MUC13: variants seen among roughly 807,000 people sequenced by gnomAD.
MUC13 encodes mucin-13.
In MUC13, 32 loss-of-function variants were observed where a neutral mutation model predicts 48.3. The observed-to-expected ratio is 0.66, with a 90% CI of 0.50 to 0.89. The LOEUF (loss-of-function observed/expected upper bound fraction) is 0.89, where lower values mean the gene tolerates loss of function less well. MUC13 is among the 40% of genes least tolerant of loss of function. The pLI, the probability that MUC13 is intolerant of heterozygous loss-of-function variation, is 0.00. For synonymous variants in MUC13, 199 were observed against 224.9 expected, an observed-to-expected ratio of 0.88 and a Z score of 1.03; for missense variants, 571 against 622.8, an observed-to-expected ratio of 0.92 and a Z score of 0.88.
At chr3:124,934,587 C>A in intron 1 of MUC13, 74 bp downstream of exon 1, 2 of 1,011,710 alleles carry the variant, frequency 2.0e-6, no homozygotes, top group Non-Finnish European at 1.6e-6. Context: ...GAATTGGTAG[C>A]TATAGGCCTG....
rs533201695 is a variant in MUC13 at position 124,933,184 on chromosome 3, T to G, written c.52+1477A>C. 2.6e-5 allele frequency among the ~76,000 whole-genome samples: 4 copies of G among 152,292 alleles called. No homozygotes were observed. The East Asian group carries it at 7.7e-4, about 29-fold the overall frequency. On this transcript the variant is annotated intron_variant, in intron 1 of 11. Coordinates refer to ENST00000616727, the MANE Select transcript of MUC13 (RefSeq NM_033049.4). ...AGCTCTCAAAAAACTCTAATCCTGA[T>G]GCCATTCATTCCAGTTCTCTGAAAG...
intron 5 of MUC13, among the ~76,000 whole-genome samples, chr3:124,918,873 G>A (rs1213216276): frequency 6.6e-6 from 1 of 152,156 alleles, no homozygotes; most frequent in Non-Finnish European, 1.5e-5. Context: ...TTTGGGCCCA[G>A]CCTGTCTGTT....
At chr3:124,913,507 A>C in intron 7 of MUC13, 55 bp downstream of exon 7, 1 of 1,610,704 alleles carries the variant, frequency 6.2e-7, no homozygotes, top group Non-Finnish European at 8.5e-7. Context: ...TTTATGTTGC[A>C]AAAGAAGAGA....
intron 2 of MUC13, among the ~76,000 whole-genome samples, chr3:124,925,833 T>C (rs1422349460): frequency 6.6e-6 from 1 of 152,160 alleles, no homozygotes; most frequent in African/African-American, 2.4e-5. Flanking sequence ...CAGGCTGGTC[T>C]TGAACTCCTC....
chr3:124,917,100 C>T (rs1033228155), intron 5 of MUC13, among the ~76,000 whole-genome samples: 1 of 152,052 alleles, frequency 6.6e-6, no homozygotes, highest in African/African-American at 2.4e-5. Flanking sequence ...ATATGAAGTG[C>T]CTGCCATGAG....
At chr3:124,927,236 G>A (rs966208676) in intron 2 of MUC13, among the ~76,000 whole-genome samples, 1 of 152,028 alleles carries the variant, frequency 6.6e-6, no homozygotes, top group Admixed American at 6.5e-5. Context: ...CTAGGGAGAG[G>A]AAAGCTATAG....
rs144309866 is a variant in MUC13 at position 124,920,280 on chromosome 3, C to T, written c.754G>A (p.Val252Ile). 4.4e-6 allele frequency: 7 copies of T among 1,603,732 alleles called. No individual in the cohort carries two copies. The highest frequency in any genetic ancestry group is 6.0e-6 in the Non-Finnish European group (7 of 1,174,488). The change falls in exon 5 of 12, where the codon GTA (valine) becomes ATA (isoleucine). Residue 252 changes from valine (V) to isoleucine (I), a missense_variant. By Grantham distance (29) the Val-to-Ile change is conservative. Transcript: ENST00000616727. ...TGTCCATAAACAGATGTGCCAAATA[C>T]ATCTTTAAACTGTGGAGGAAAACAG... ...HSEITSLFKD[V>I]FGTSVYGQTV...
rs1451610920 is a variant in MUC13, at chr3:124,916,498, C to T, written c.801-18G>A. ...GAGATGTGCTAAAAATGAGATGAAT[C>T]TGTCACTTAATGAATTGAACTGAAG... On this transcript the variant is annotated intron_variant, in intron 5 of 11. Coordinates refer to ENST00000616727, the MANE Select transcript of MUC13 (RefSeq NM_033049.4). 6.3e-7 allele frequency: 1 copy of T among 1,599,196 alleles called. No individual in the cohort carries two copies. Among genetic ancestry groups the T allele is most frequent in the Admixed American group, 1.7e-5 (1 of 58,226 alleles).
Position 124,916,461 on chromosome 3 carries a change from A to T in MUC13, c.820T>A (p.Ser274Thr). 1 of 1,612,380 alleles carries T rather than the reference A, an allele frequency of 6.2e-7. No individual in the cohort carries two copies. Among genetic ancestry groups the T allele is most frequent in the Non-Finnish European group, 8.5e-7 (1 of 1,179,212 alleles). Residue 274 changes from serine to threonine, a missense_variant, in exon 6 of 12, where the codon TCT becomes ACT. Physicochemically the swap from Ser to Thr is moderately conservative, Grantham distance 58. Coordinates refer to ENST00000616727, the MANE Select transcript of MUC13 (RefSeq NM_033049.4). ...AACTTGTCATCAGCACGCATTTCAG[A>T]TCTTGGTGACAGAGATGTGCTAAAA... Reference protein sequence around the residue: ...LTVSTSLSPRSEMRADDKFVN... With the variant: ...LTVSTSLSPRTEMRADDKFVN...
chr3:124,920,362 C>A (rs1935573990), intron 4 of MUC13, 73 bp from the exon 5 acceptor site: 17 of 1,197,822 alleles, frequency 1.4e-5, no homozygotes, highest in Admixed American at 1.1e-4. Context: ...TCAAATGAGG[C>A]AGAAAAAAAT....
At chr3:124,910,360 C>A (rs976508334) in intron 10 of MUC13, 55 bp downstream of exon 10, 11 of 1,582,904 alleles carry the variant, frequency 6.9e-6, no homozygotes, top group Admixed American at 1.8e-5. Flanking sequence ...ATAGTGAGAC[C>A]CCCCCATCTC....
chr3:124,926,027 C>A (rs1935679970), intron 2 of MUC13, among the ~76,000 whole-genome samples: 1 of 152,128 alleles, frequency 6.6e-6, no homozygotes, highest in East Asian at 1.9e-4. Flanking sequence ...AAGTATGAAC[C>A]AGTCTTCTAA....
Position 124,920,293 on chromosome 3 carries a change from T to C in MUC13, c.745-4A>G. The C allele has an allele frequency of 6.3e-7, 1 of 1,599,422 alleles. No individual in the cohort carries two copies. The highest frequency in any genetic ancestry group is 8.5e-7 in the Non-Finnish European group (1 of 1,172,330). ...ATGTGCCAAATACATCTTTAAACTGTGGAGGAAAACAGATTTAATAACAAG... is the reference window on the plus strand; with the variant it reads ...ATGTGCCAAATACATCTTTAAACTGCGGAGGAAAACAGATTTAATAACAAG... On this transcript the variant is annotated splice_region_variant and splice_polypyrimidine_tract_variant and intron_variant, in intron 4 of 11. Coordinates refer to ENST00000616727, the MANE Select transcript of MUC13 (RefSeq NM_033049.4).
At chr3:124,916,738 A>T (rs1046221948) in intron 5 of MUC13, among the ~76,000 whole-genome samples, 2 of 152,202 alleles carry the variant, frequency 1.3e-5, no homozygotes, top group Admixed American at 1.3e-4. Flanking sequence ...AAAATTGTGG[A>T]TAACCATTTT....
At chr3:124,916,761 G>C (rs897068042) in intron 5 of MUC13, among the ~76,000 whole-genome samples, 1 of 152,150 alleles carries the variant, frequency 6.6e-6, no homozygotes, top group Non-Finnish European at 1.5e-5. Context: ...GAAAAATTAT[G>C]AATCACATTT....
chr3:124,927,778 T>A lies in MUC13; in HGVS notation c.268A>T (p.Ile90Phe). ...STIPTPAPPI[I>F]STHSSSTIPI... ...ATTGTGGAGGAACTATGTGTACTAA[T>A]TATGGGGGGAGCAGGTGTAGGAATT... is the stretch of plus-strand genomic sequence containing the variant. The change falls in exon 2 of 12, where the codon ATT becomes TTT. Residue 90 changes from isoleucine (I) to phenylalanine (F), a missense_variant. Transcript: ENST00000616727. The A allele has an allele frequency of 6.2e-7, 1 of 1,606,802 alleles. No homozygotes were observed. The highest frequency in any genetic ancestry group is 8.5e-7 in the Non-Finnish European group (1 of 1,175,800).
At chr3:124,925,960 T>C (rs892478506) in intron 2 of MUC13, among the ~76,000 whole-genome samples, 35 of 152,134 alleles carry the variant, frequency 2.3e-4, no homozygotes, top group African/African-American at 7.2e-4. Context: ...CTATATGGGA[T>C]AAAAGGAGGC....
chr3:124,928,082 C>A, intron 1 of MUC13, 89 bp from the exon 2 acceptor site: 19 of 715,930 alleles, frequency 2.7e-5, no homozygotes, highest in Non-Finnish European at 3.7e-5. Flanking sequence ...CCAACTCATT[C>A]TTTTTTTTTT....
chr3:124,907,655 TATAGAGAG>T (rs1349138229), intron 11 of MUC13, among the ~76,000 whole-genome samples: 1 of 78,972 alleles, frequency 1.3e-5, no homozygotes, highest in Admixed American at 1.3e-4. Context: ...TATATATATA[TATAGAGAG>T]AGAGAGAGAG....
Sources: gnomAD v4.1 joint callset for allele counts (sites outside exome capture counted in the v4.1 genomes callset) on GRCh38, gnomAD v4.1.1 for gene constraint, MANE v1.5 for transcripts, NCBI Gene and HGNC (gene_info 2026-07-23, HGNC 2026-07-21) for gene names.